TENM2: variants seen among roughly 807,000 people sequenced by gnomAD.
TENM2 encodes teneurin transmembrane protein 2.
A neutral mutation model predicts 245.2 loss-of-function variants in TENM2; 52 were observed. The ratio of observed to expected loss-of-function variants is 0.21; its 90% CI spans 0.17 to 0.27. The LOEUF (loss-of-function observed/expected upper bound fraction) is 0.27, where lower values mean the gene tolerates loss of function less well. Ranked by LOEUF, TENM2 falls within the 10% of genes least tolerant of loss-of-function variation. TENM2 has a pLI of 1.00. For missense variants in TENM2, 3,046 were observed against 3,666.8 expected (o/e 0.83, Z 4.37); for synonymous variants, 1,363 against 1,438.9 (o/e 0.95, Z 1.19).
chr5:167,079,820 C>T, the TENM2 span, among the ~76,000 whole-genome samples: 2 of 152,110 alleles, frequency 1.3e-5, no homozygotes, highest in South Asian at 2.1e-4. Context: ...ATAGCTACTT[C>T]GAGGAAACAA....
chr5:167,105,326 C>T, the TENM2 span, among the ~76,000 whole-genome samples: 1 of 152,152 alleles, frequency 6.6e-6, no homozygotes, highest in Non-Finnish European at 1.5e-5. Flanking sequence ...ATTATCACCC[C>T]ATTACTGAAA....
chr5:167,708,901 C>G (rs1758718939), intron 2 of TENM2, among the ~76,000 whole-genome samples: 1 of 152,136 alleles, frequency 6.6e-6, no homozygotes, highest in Non-Finnish European at 1.5e-5. Flanking sequence ...ATTTCTCTTT[C>G]TATACAAACC....
chr5:167,306,489 TA>T (rs33950624), intron 1 of TENM2: 22,441 of 146,864 alleles, frequency 0.15, 1,980 homozygotes, highest in African/African-American at 0.26. Context: ...GAAAGAATCT[TA>T]AAAAAAAAAA....
At chr5:167,323,089 T>C (rs1425064634) in intron 1 of TENM2, among the ~76,000 whole-genome samples, 5 of 152,234 alleles carry the variant, frequency 3.3e-5, no homozygotes, top group Non-Finnish European at 7.3e-5. Context: ...TGAATGACCC[T>C]CACATCATAA....
chr5:167,847,832 C>T (rs1271175360), intron 2 of TENM2, among the ~76,000 whole-genome samples: 3 of 152,154 alleles, frequency 2.0e-5, no homozygotes, highest in Non-Finnish European at 4.4e-5. Context: ...AGAGATTATA[C>T]TGATATAAAA....
At chr5:166,983,415 G>A in the TENM2 span, among the ~76,000 whole-genome samples, 1 of 152,014 alleles carries the variant, frequency 6.6e-6, no homozygotes, top group East Asian at 1.9e-4. Context: ...ATAGAATTAC[G>A]AGCCTTTCAG....
At chr5:168,192,409 C>A (rs1449954571) in intron 14 of TENM2, among the ~76,000 whole-genome samples, 1 of 152,186 alleles carries the variant, frequency 6.6e-6, no homozygotes, top group Non-Finnish European at 1.5e-5. Context: ...CTTTACCAGT[C>A]CCAGTGAACT....
intron 4 of TENM2, among the ~76,000 whole-genome samples, chr5:167,978,056 T>A (rs1782570784): frequency 6.6e-6 from 1 of 152,202 alleles, no homozygotes; most frequent in Admixed American, 6.5e-5. Flanking sequence ...TCTTGCCATG[T>A]GATGCCAGCT....
chr5:167,669,585 T>C (rs1755800037), intron 2 of TENM2, among the ~76,000 whole-genome samples: 1 of 152,060 alleles, frequency 6.6e-6, no homozygotes, highest in African/African-American at 2.4e-5. Context: ...TTTTTTCTGA[T>C]ATCCCCCCCT....
At chr5:167,290,605 G>A (rs903429366) in intron 1 of TENM2, among the ~76,000 whole-genome samples, 2 of 152,054 alleles carry the variant, frequency 1.3e-5, no homozygotes, top group Non-Finnish European at 2.9e-5. Context: ...CTTGTTCATA[G>A]AGTGTGTCTG....
intron 3 of TENM2, among the ~76,000 whole-genome samples, chr5:167,880,053 T>A (rs1412131627): frequency 2.0e-5 from 3 of 152,200 alleles, no homozygotes; most frequent in South Asian, 4.1e-4. Flanking sequence ...TTACTTTTTT[T>A]ATTTTTGAGA....
intron 3 of TENM2, among the ~76,000 whole-genome samples, chr5:167,929,067 A>G (rs7447785): frequency 7.5e-3 from 93 of 12,454 alleles, no homozygotes; most frequent in African/African-American, 0.031. Context: ...GAGAGAAAGA[A>G]AGAAAGAAAG....
chr5:168,037,893 G>A (rs1562083169), intron 5 of TENM2, among the ~76,000 whole-genome samples: 1 of 152,182 alleles, frequency 6.6e-6, no homozygotes, highest in Non-Finnish European at 1.5e-5. Flanking sequence ...GGCCTTTGAG[G>A]CCCATCTTAA....
At chr5:167,429,788 G>A (rs1405865749) in intron 2 of TENM2, among the ~76,000 whole-genome samples, 1 of 151,866 alleles carries the variant, frequency 6.6e-6, no homozygotes, top group Admixed American at 6.6e-5. Flanking sequence ...TATATTTTTA[G>A]TACAGACAGG....
At chr5:167,068,571 T>C in the TENM2 span, among the ~76,000 whole-genome samples, 1 of 152,226 alleles carries the variant, frequency 6.6e-6, no homozygotes, top group Non-Finnish European at 1.5e-5. Flanking sequence ...CTGTCAGATC[T>C]GGTATGTAAT....
chr5:167,765,956 G>A (rs958127414), intron 2 of TENM2, among the ~76,000 whole-genome samples: 2 of 152,120 alleles, frequency 1.3e-5, no homozygotes, highest in African/African-American at 2.4e-5. Context: ...TGACTTTGGG[G>A]ATCAAGCAAA....
chr5:167,411,980 A>C (rs2127406129), intron 2 of TENM2, among the ~76,000 whole-genome samples: 1 of 152,238 alleles, frequency 6.6e-6, no homozygotes, highest in African/African-American at 2.4e-5. Flanking sequence ...TATTTTGATA[A>C]AAAACATTAT....
intron 7 of TENM2, chr5:168,085,382 C>CTTGATT: frequency 6.6e-6 from 1 of 152,284 alleles, no homozygotes; most frequent in African/African-American, 2.4e-5. Context: ...GCCTGTGGAG[C>CTTGATT]CTGGCATGAT....
At chr5:167,884,428 C>A (rs1433216312) in intron 3 of TENM2, among the ~76,000 whole-genome samples, 4 of 152,198 alleles carry the variant, frequency 2.6e-5, no homozygotes, top group East Asian at 1.9e-4. Context: ...CAGCCCCTGG[C>A]AACCACTATT....
Sources: gnomAD v4.1 joint callset for allele counts (sites outside exome capture counted in the v4.1 genomes callset) on GRCh38, gnomAD v4.1.1 for gene constraint, MANE v1.5 for transcripts, NCBI Gene and HGNC (gene_info 2026-07-23, HGNC 2026-07-21) for gene names.